Variants in ZNF385A observed in about 807,000 individuals in gnomAD.
The protein encoded by ZNF385A is zinc finger protein 385A.
A neutral mutation model predicts 32.1 loss-of-function variants in ZNF385A; 14 were observed. That is an observed-to-expected ratio of 0.44 (90% CI 0.29 to 0.68). The LOEUF is 0.68. Ranked by LOEUF, ZNF385A falls within the 30% of genes least tolerant of loss-of-function variation. The pLI, the probability that ZNF385A is intolerant of heterozygous loss-of-function variation, is 0.14. For synonymous variants in ZNF385A, 197 were observed against 202.7 expected, an observed-to-expected ratio of 0.97 and a Z score of 0.24; for missense variants, 406 against 478.4, an observed-to-expected ratio of 0.85 and a Z score of 1.41.
intron 1 of ZNF385A, among the ~76,000 whole-genome samples, chr12:54,383,374 A>G (rs1361925029): frequency 6.6e-6 from 1 of 150,772 alleles, no homozygotes; most frequent in Non-Finnish European, 1.5e-5. Flanking sequence ...GTTGGTCACC[A>G]TGGCCTGTCA....
Position 54,374,147 on chromosome 12 carries a change from G to A in ZNF385A, c.199-12C>T, listed in dbSNP as rs763100927. 18 of 1,490,872 alleles carry A rather than the reference G, an allele frequency of 1.2e-5. 1 individual carries two copies. In the South Asian group the frequency reaches 2.4e-4, roughly 20 times the overall value. 92.4% of individuals were successfully genotyped at this position (1,490,872 alleles called of 1,614,324 possible). ...GCCTCAGCCTGGCTCTTTAGGGATG[G>A]AGGAAGAAAATGGAATCTGAGATCA... is the stretch of plus-strand genomic sequence containing the variant. On this transcript the variant is annotated splice_polypyrimidine_tract_variant and intron_variant, in intron 2 of 6. Coordinates refer to ENST00000394313, the MANE Select transcript of ZNF385A (RefSeq NM_015481.3).
At chr12:54,375,059 T>C (rs1330936982) in intron 2 of ZNF385A, among the ~76,000 whole-genome samples, 2 of 123,744 alleles carry the variant, frequency 1.6e-5, no homozygotes, top group East Asian at 2.0e-4. Flanking sequence ...CAGAGCCCAG[T>C]AGTATGGAGT....
intron 4 of ZNF385A, 36 bp from the exon 5 acceptor site, chr12:54,371,132 A>G (rs1170259841): frequency 2.6e-6 from 4 of 1,548,886 alleles, no homozygotes; most frequent in Non-Finnish European, 3.5e-6. Flanking sequence ...AAGGGGTGGA[A>G]GAAAAATTAT....
At chr12:54,381,842 GC>G (rs1257128091) in intron 1 of ZNF385A, among the ~76,000 whole-genome samples, 1 of 151,972 alleles carries the variant, frequency 6.6e-6, no homozygotes, top group Non-Finnish European at 1.5e-5. Context: ...GGTCCCTTAG[GC>G]CCCATCACAT....
upstream of ZNF385A, among the ~76,000 whole-genome samples, chr12:54,386,817 T>C (rs1015631307): frequency 2.6e-5 from 4 of 152,174 alleles, no homozygotes; most frequent in African/African-American, 7.2e-5. Flanking sequence ...CAGAAAAAAA[T>C]TTGAGGCTAC....
At chr12:54,373,123 T>TTGTGTG (rs1954639571) in intron 3 of ZNF385A, 1 of 85,920 alleles carries the variant, frequency 1.2e-5, no homozygotes. Flanking sequence ...CCTGAGGGGG[T>TTGTGTG]TCTGTGTGTG....
intron 1 of ZNF385A, 79 bp downstream of exon 1, chr12:54,384,346 CAGA>C (rs1955353825): frequency 2.1e-6 from 3 of 1,435,414 alleles, no homozygotes; most frequent in African/African-American, 1.5e-5. Flanking sequence ...GAATTAGAAA[CAGA>C]AGAAGAGGGC....
chr12:54,374,536 C>T (rs1954739386), intron 2 of ZNF385A, among the ~76,000 whole-genome samples: 1 of 152,178 alleles, frequency 6.6e-6, no homozygotes. Flanking sequence ...TCCTCTGCCC[C>T]TAGGATCCAG....
At chr12:54,390,646 A>T (rs1017127390) in intron 1 of ZNF385A, among the ~76,000 whole-genome samples, 1 of 19,322 alleles carries the variant, frequency 5.2e-5, no homozygotes, top group Admixed American at 4.2e-4. Flanking sequence ...TATTTTCCCC[A>T]CCCCCTCTTC....
At chr12:54,386,483 C>T (rs982866189), upstream of ZNF385A, among the ~76,000 whole-genome samples, 1 of 152,102 alleles carries the variant, frequency 6.6e-6, no homozygotes, top group African/African-American at 2.4e-5. Context: ...GATGGGGCAG[C>T]TTGACCACCT....
intron 1 of ZNF385A, among the ~76,000 whole-genome samples, chr12:54,383,617 G>T (rs930740585): frequency 1.3e-5 from 2 of 152,194 alleles, no homozygotes; most frequent in Non-Finnish European, 2.9e-5. Context: ...AGTGGCGGCT[G>T]GGTGTGGTGG....
intron 2 of ZNF385A, among the ~76,000 whole-genome samples, chr12:54,374,443 C>T (rs1954733198): frequency 6.6e-6 from 1 of 152,124 alleles, no homozygotes; most frequent in African/African-American, 2.4e-5. Context: ...GGACCACAAA[C>T]CTATGGAAGA....
intron 1 of ZNF385A, among the ~76,000 whole-genome samples, chr12:54,378,408 C>T (rs1565621870): frequency 6.6e-6 from 1 of 152,176 alleles, no homozygotes; most frequent in Non-Finnish European, 1.5e-5. Context: ...AGTCCCCTCC[C>T]ACCTGCCCTC....
intron 1 of ZNF385A, among the ~76,000 whole-genome samples, chr12:54,389,952 G>GGACAA (rs1955592472): frequency 6.6e-6 from 1 of 151,996 alleles, no homozygotes; most frequent in Non-Finnish European, 1.5e-5. Flanking sequence ...GAGAGACTGA[G>GGACAA]GACACACAGG....
At chr12:54,391,222 A>G in intron 1 of ZNF385A, 1 of 1,461,068 alleles carries the variant, frequency 6.8e-7, no homozygotes, top group South Asian at 1.3e-5. Context: ...CTGGAGTCGC[A>G]GAGACCACTC....
At chr12:54,371,831 G>C in intron 3 of ZNF385A, 116 bp from the exon 4 acceptor site, 1 of 1,448,696 alleles carries the variant, frequency 6.9e-7, no homozygotes, top group East Asian at 2.3e-5. Flanking sequence ...TCCCCACCCT[G>C]TTACAACATG....
rs769873316 is a variant in ZNF385A at position 54,375,888 on chromosome 12, G to A, written c.154C>T (p.Pro52Ser). 12 of 1,614,046 alleles carry A rather than the reference G, an allele frequency of 7.4e-6. No individual in the cohort carries two copies. The highest frequency in any genetic ancestry group is 1.0e-5 in the Non-Finnish European group (12 of 1,180,036). Residue 52 changes from proline to serine, a missense_variant, in exon 2 of 7, where the codon CCC (proline) becomes TCC (serine). Coordinates refer to ENST00000394313, the MANE Select transcript of ZNF385A (RefSeq NM_015481.3). ...TGACAGATATTACAGGAAATGACGG[G>A]CCGCTTGGTCTTGAGCAAGGGTCCC... ...FGGPLLKTKR[P>S]VISCNICQIR...
At chr12:54,388,037 G>A (rs866100038), upstream of ZNF385A, among the ~76,000 whole-genome samples, 1 of 137,226 alleles carries the variant, frequency 7.3e-6, no homozygotes, top group South Asian at 2.7e-4. Context: ...GCAAATTGAA[G>A]TGTGTGTAAG....
intron 2 of ZNF385A, 93 bp downstream of exon 2, chr12:54,375,751 G>A: frequency 9.5e-7 from 1 of 1,056,442 alleles, no homozygotes; most frequent in Admixed American, 1.8e-5. Context: ...CCCTCAACCA[G>A]AGTAAGTGTT....
Sources: gnomAD v4.1 joint callset for allele counts (sites outside exome capture counted in the v4.1 genomes callset) on GRCh38, gnomAD v4.1.1 for gene constraint, MANE v1.5 for transcripts, NCBI Gene and HGNC (gene_info 2026-07-23, HGNC 2026-07-21) for gene names.